ITGA1: variants seen among roughly 807,000 people sequenced by gnomAD.
The protein encoded by ITGA1 is integrin subunit alpha 1.
A neutral mutation model predicts 145.9 loss-of-function variants in ITGA1; 85 were observed. The observed-to-expected ratio is 0.58, with a 90% CI of 0.49 to 0.70. ITGA1 has a LOEUF of 0.70. ITGA1 is among the 30% of genes least tolerant of loss of function. ITGA1 has a pLI of 0.00. For synonymous variants in ITGA1, 520 were observed against 495.3 expected, an observed-to-expected ratio of 1.05 and a Z score of -0.66; for missense variants, 1,351 against 1,418.7, an observed-to-expected ratio of 0.95 and a Z score of 0.77.
At chr5:52,830,967 G>A (rs1749052163) in intron 1 of ITGA1, among the ~76,000 whole-genome samples, 1 of 152,148 alleles carries the variant, frequency 6.6e-6, no homozygotes, top group African/African-American at 2.4e-5. Context: ...CTTTAAATCT[G>A]ACCTAGCCAT....
At chr5:52,934,237 C>A (rs189416421) in intron 23 of ITGA1, among the ~76,000 whole-genome samples, 135 of 150,640 alleles carry the variant, frequency 9.0e-4, no homozygotes, top group African/African-American at 3.2e-3. Flanking sequence ...ATTTTCACAT[C>A]AGTTTAGAGA....
intron 1 of ITGA1, among the ~76,000 whole-genome samples, chr5:52,813,798 A>G (rs6450088): frequency 0.26 from 39,981 of 152,170 alleles, 5,544 homozygotes; most frequent in Non-Finnish European, 0.3. Flanking sequence ...ACCTTCCCCA[A>G]CCAGGAGGAA....
intron 21 of ITGA1, among the ~76,000 whole-genome samples, chr5:52,930,814 TCTATCATATTACGCTAGGTACTG>T (rs1198814012): frequency 5.3e-5 from 8 of 152,154 alleles, no homozygotes; most frequent in Non-Finnish European, 1.2e-4. Flanking sequence ...GAGTGTGCAT[TCTATCATATTACGCTAGGTACTG>T]AATGTCAGTC....
intron 1 of ITGA1, among the ~76,000 whole-genome samples, chr5:52,841,515 G>T (rs948021270): frequency 6.6e-6 from 1 of 152,046 alleles, no homozygotes; most frequent in East Asian, 1.9e-4. Flanking sequence ...AGAGTTTTTG[G>T]ATTCAGTTAT....
chr5:52,864,007 C>G (rs1187611869), intron 3 of ITGA1: 1 of 152,200 alleles, frequency 6.6e-6, no homozygotes, highest in Non-Finnish European at 1.5e-5. Context: ...AAAACAACCT[C>G]TGGAACAAAC....
At chr5:52,800,831 T>G (rs1229916831) in intron 1 of ITGA1, 2 of 1,609,514 alleles carry the variant, frequency 1.2e-6, no homozygotes, top group African/African-American at 2.7e-5. Flanking sequence ...CAGGAAGGCC[T>G]CGCCCATATC....
intron 1 of ITGA1, among the ~76,000 whole-genome samples, chr5:52,816,209 TA>T (rs1414534157): frequency 6.6e-6 from 1 of 152,206 alleles, no homozygotes; most frequent in African/African-American, 2.4e-5. Context: ...AATTTAAACT[TA>T]ATCTTTTTGG....
rs1384056777 is a variant in ITGA1 at position 52,939,952 on chromosome 5, A to G, written c.3285+8A>G. ...AAACCAACTTTTATAAAAGTAAGTA[A>G]ATACATAGTTCTATGCACTTATTGA... On this transcript the variant is annotated splice_region_variant and intron_variant, in intron 26 of 28. Coordinates refer to ENST00000282588, the MANE Select transcript of ITGA1 (RefSeq NM_181501.2). The G allele has an allele frequency of 7.1e-7, 1 of 1,414,506 alleles. No homozygotes were observed. The highest frequency in any genetic ancestry group is 1.0e-6 in the Non-Finnish European group (1 of 998,364). The allele number at this position is 1,414,506 out of a possible 1,614,324, so 87.6% of individuals were successfully genotyped here. A position where few individuals can be genotyped will look rare whatever the true frequency, so the allele number is the denominator to read the frequency against.
intron 1 of ITGA1, among the ~76,000 whole-genome samples, chr5:52,818,355 G>T (rs972323230): frequency 2.6e-5 from 4 of 152,088 alleles, no homozygotes; most frequent in African/African-American, 7.2e-5. Context: ...GCACATTAGG[G>T]TTTACTGTTT....
At chr5:52,911,432 A>ATC (rs1358482698) in intron 14 of ITGA1, among the ~76,000 whole-genome samples, 11 of 133,808 alleles carry the variant, frequency 8.2e-5, no homozygotes, top group Non-Finnish European at 9.3e-5. Flanking sequence ...TATAGATACT[A>ATC]TATATAGTAT....
intron 1 of ITGA1, among the ~76,000 whole-genome samples, chr5:52,796,023 T>C (rs2111650573): frequency 6.6e-6 from 1 of 152,056 alleles, no homozygotes; most frequent in South Asian, 2.1e-4. Flanking sequence ...GCACGCAAAA[T>C]TGAAAACAAA....
chr5:52,823,985 G>A (rs1460833549), intron 1 of ITGA1, among the ~76,000 whole-genome samples: 2 of 152,142 alleles, frequency 1.3e-5, no homozygotes, highest in Non-Finnish European at 2.9e-5. Context: ...GATATTTAAA[G>A]AGCTCTAGCT....
intron 1 of ITGA1, among the ~76,000 whole-genome samples, chr5:52,847,089 A>G (rs141595417): frequency 6.6e-6 from 1 of 152,224 alleles, no homozygotes; most frequent in Non-Finnish European, 1.5e-5. Context: ...TTGGGGGGAA[A>G]AATCTGACAC....
Position 52,788,300 on chromosome 5 carries a change from C to T in ITGA1, c.-54C>T, listed in dbSNP as rs1208965761. ...CAGCCAGAGAGCGCAGCTCCCGCGC[C>T]CGGTCCTGCCCTGCGAACCAGCGCG... is the stretch of plus-strand genomic sequence containing the variant. On this transcript the variant is annotated 5_prime_UTR_variant, in exon 1 of 29. Coordinates refer to ENST00000282588, the MANE Select transcript of ITGA1 (RefSeq NM_181501.2). The T allele has an allele frequency of 2.0e-5, 28 of 1,380,504 alleles. No individual in the cohort carries two copies. The highest frequency in any genetic ancestry group is 2.6e-5 in the Non-Finnish European group (27 of 1,057,018). 85.5% of individuals were successfully genotyped at this position (1,380,504 alleles called of 1,614,324 possible).
At chr5:52,845,763 A>T (rs1339747237) in intron 1 of ITGA1, among the ~76,000 whole-genome samples, 3 of 152,174 alleles carry the variant, frequency 2.0e-5, no homozygotes, top group African/African-American at 7.2e-5. Context: ...GAATTTTCTG[A>T]CCCAAATGTG....
intron 26 of ITGA1, among the ~76,000 whole-genome samples, chr5:52,941,043 G>A (rs1751046684): frequency 6.6e-6 from 1 of 152,114 alleles, no homozygotes; most frequent in South Asian, 2.1e-4. Context: ...TTGGTTTTCT[G>A]TTCCTGTGGA....
chr5:52,923,003 A>G, intron 18 of ITGA1, 116 bp downstream of exon 18: 1 of 625,492 alleles, frequency 1.6e-6, no homozygotes, highest in East Asian at 2.9e-5. Context: ...AACTAACTGG[A>G]AGAAAGAAAA....
At chr5:52,839,089 C>T (rs1381007831) in intron 1 of ITGA1, among the ~76,000 whole-genome samples, 1 of 151,940 alleles carries the variant, frequency 6.6e-6, no homozygotes, top group African/African-American at 2.4e-5. Flanking sequence ...TGAGTGAGAC[C>T]CTGCCTCAAA....
At chr5:52,951,682 C>G (rs991484440) in intron 28 of ITGA1, among the ~76,000 whole-genome samples, 1 of 152,088 alleles carries the variant, frequency 6.6e-6, no homozygotes, top group Non-Finnish European at 1.5e-5. Context: ...TGTCAGATTC[C>G]CTACCATCTC....
Sources: allele counts gnomAD v4.1 joint callset (sites outside exome capture counted in the v4.1 genomes callset), GRCh38; gene constraint gnomAD v4.1.1; transcripts MANE v1.5; gene names NCBI Gene and HGNC (gene_info 2026-07-23, HGNC 2026-07-21).